CORO2B: variants seen among roughly 807,000 people sequenced by gnomAD.
CORO2B encodes the protein coronin-2B.
In CORO2B, 26 loss-of-function variants were observed where a neutral mutation model predicts 58.8. That is an observed-to-expected ratio of 0.44 (90% CI 0.32 to 0.61). The LOEUF is 0.61. Ranked by LOEUF, CORO2B falls within the 20% of genes least tolerant of loss-of-function variation. CORO2B has a pLI of 0.04. For missense variants in CORO2B, 460 were observed against 645.1 expected, an observed-to-expected ratio of 0.71 and a Z score of 3.11; for synonymous variants, 242 against 253.8, an observed-to-expected ratio of 0.95 and a Z score of 0.44.
the CORO2B span, among the ~76,000 whole-genome samples, chr15:68,531,534 AGG>A: frequency 7.3e-6 from 1 of 136,072 alleles, no homozygotes. Context: ...GAAGGAAGGA[AGG>A]AAGGAAGGAA....
chr15:68,579,681 C>T (rs955890499), intron 1 of CORO2B, among the ~76,000 whole-genome samples: 5 of 152,196 alleles, frequency 3.3e-5, no homozygotes, highest in Non-Finnish European at 5.9e-5. Context: ...ATGGGCCTGC[C>T]GCCCCGAGGA....
chr15:68,633,143 A>G (rs773662480), intron 1 of CORO2B, among the ~76,000 whole-genome samples: 1 of 152,010 alleles, frequency 6.6e-6, no homozygotes, highest in Non-Finnish European at 1.5e-5. Flanking sequence ...GGTCACTTCT[A>G]TGGAGCAGAG....
the CORO2B span, among the ~76,000 whole-genome samples, chr15:68,559,338 C>G: frequency 7.2e-5 from 11 of 152,040 alleles, no homozygotes; most frequent in South Asian, 6.2e-4. The surrounding 1 kb of genome is among the most constrained non-coding windows in gnomAD (Gnocchi z 4.3). Context: ...TTGGGACTCT[C>G]TCATTCCCGG....
At chr15:68,650,061 C>T (rs1901582016) in intron 2 of CORO2B, among the ~76,000 whole-genome samples, 1 of 152,120 alleles carries the variant, frequency 6.6e-6, no homozygotes, top group African/African-American at 2.4e-5. Flanking sequence ...TACACTGTTA[C>T]GTGAAGAAAT....
chr15:68,568,509 A>T, the CORO2B span, among the ~76,000 whole-genome samples: 1 of 151,866 alleles, frequency 6.6e-6, no homozygotes, highest in Non-Finnish European at 1.5e-5. Flanking sequence ...AGCTGAGGAC[A>T]CTGGGACCCC....
rs1217044200 is a variant in CORO2B, at chr15:68,695,040, C to T, written c.217-100C>T. 1.0e-5 allele frequency: 9 copies of T among 864,302 alleles called. No individual in the cohort carries two copies. In the East Asian group the frequency reaches 1.5e-4, roughly 14 times the overall value. The allele number at this position is 864,302 out of a possible 1,614,324, so 53.5% of individuals were successfully genotyped here. A position where few individuals can be genotyped will look rare whatever the true frequency, so the allele number is the denominator to read the frequency against. On this transcript the variant is annotated intron_variant, in intron 2 of 11. Coordinates refer to ENST00000261861, the MANE Select transcript of CORO2B (RefSeq NM_006091.5). ...CACAGGTGATTCCTCAAGGACCTTC[C>T]AGTCCAGTTGAGAGGCCCAGAAAAA...
At chr15:68,520,955 A>G in the CORO2B span, among the ~76,000 whole-genome samples, 1 of 152,216 alleles carries the variant, frequency 6.6e-6, no homozygotes, top group Non-Finnish European at 1.5e-5. Context: ...AGGCTGAAGC[A>G]GGAGAATCAC....
At chr15:68,533,611 A>T in the CORO2B span, among the ~76,000 whole-genome samples, 1 of 152,296 alleles carries the variant, frequency 6.6e-6, no homozygotes, top group East Asian at 1.9e-4. Flanking sequence ...GAGAAGTCAA[A>T]CCTGAGGCTG....
chr15:68,579,222 C>G lies in CORO2B; in HGVS notation c.-41C>G. ...CCCCGGGCCGCCGCCGCCGCCCCCGCACGCCGCGCCCGCGCCCCCGCTCCG... is the reference window on the plus strand; with the variant it reads ...CCCCGGGCCGCCGCCGCCGCCCCCGGACGCCGCGCCCGCGCCCCCGCTCCG... On this transcript the variant is annotated 5_prime_UTR_variant, in exon 1 of 12. Transcript: ENST00000261861. 1 of 1,081,576 alleles carries G rather than the reference C, an allele frequency of 9.2e-7. No homozygotes were observed. The allele number at this position is 1,081,576 out of a possible 1,614,324, so 67.0% of individuals were successfully genotyped here. A position where few individuals can be genotyped will look rare whatever the true frequency, so the allele number is the denominator to read the frequency against.
the CORO2B span, chr15:68,559,741 C>G: frequency 1.7e-6 from 1 of 595,386 alleles, no homozygotes; most frequent in South Asian, 7.4e-5. This position sits in a 1 kb window ranked among gnomAD's most constrained non-coding sequence, Gnocchi z 4.3. Context: ...CTGCGGCGCC[C>G]GAGACCGCTC....
intron 2 of CORO2B, among the ~76,000 whole-genome samples, chr15:68,656,163 G>T (rs1196999587): frequency 3.6e-4 from 10 of 28,150 alleles, no homozygotes. Flanking sequence ...CCTCCCCCTC[G>T]CACCGTCCCC....
chr15:68,622,596 C>T (rs963352904), intron 1 of CORO2B, among the ~76,000 whole-genome samples: 1 of 152,202 alleles, frequency 6.6e-6, no homozygotes, highest in African/African-American at 2.4e-5. Flanking sequence ...TTGGACCTCA[C>T]CGACTACTCA....
chr15:68,667,377 G>T (rs1420575869), intron 2 of CORO2B, among the ~76,000 whole-genome samples: 3 of 152,200 alleles, frequency 2.0e-5, no homozygotes, highest in Non-Finnish European at 4.4e-5. Flanking sequence ...CATGTTTGAG[G>T]CAGGGGTATC....
At chr15:68,575,942 C>G (rs952133294), upstream of CORO2B, among the ~76,000 whole-genome samples, 1 of 151,474 alleles carries the variant, frequency 6.6e-6, no homozygotes, top group East Asian at 2.0e-4. Flanking sequence ...GTCACAAGGT[C>G]AGGAGTTCGA....
chr15:68,565,892 A>G, the CORO2B span, among the ~76,000 whole-genome samples: 3 of 152,196 alleles, frequency 2.0e-5, no homozygotes, highest in Non-Finnish European at 2.9e-5. Flanking sequence ...TTCCTCTGCC[A>G]TGTGGTTCCA....
intron 8 of CORO2B, among the ~76,000 whole-genome samples, chr15:68,716,875 G>C (rs542703453): frequency 3.3e-5 from 5 of 151,838 alleles, no homozygotes; most frequent in East Asian, 3.9e-4. Context: ...ATCGGAGAGG[G>C]GGGCAGGGGC....
intron 11 of CORO2B, among the ~76,000 whole-genome samples, chr15:68,724,664 AAAC>A (rs970107647): frequency 3.9e-5 from 6 of 152,340 alleles, no homozygotes; most frequent in African/African-American, 1.2e-4. Context: ...GTTTTTATAG[AAAC>A]AACAACTCTC....
chr15:68,682,272 A>G (rs76584330), intron 2 of CORO2B, among the ~76,000 whole-genome samples: 2,714 of 152,314 alleles, frequency 0.018, 39 homozygotes, highest in Admixed American at 0.031. Flanking sequence ...TAGAAAGCCA[A>G]TCTTGCTCTG....
chr15:68,578,590 G>A (rs954858019), upstream of CORO2B, among the ~76,000 whole-genome samples: 1 of 151,806 alleles, frequency 6.6e-6, no homozygotes, highest in African/African-American at 2.4e-5. The surrounding 1 kb of genome is among the most constrained non-coding windows in gnomAD (Gnocchi z 4.2). Context: ...CGGCCCACGG[G>A]CCGACTTTGC....
Sources: allele counts gnomAD v4.1 joint callset (sites outside exome capture counted in the v4.1 genomes callset), GRCh38; gene constraint gnomAD v4.1.1; non-coding constraint Gnocchi (gnomAD v3.1); transcripts MANE v1.5; gene names NCBI Gene and HGNC (gene_info 2026-07-23, HGNC 2026-07-21).